The following CEP44 variants were observed in gnomAD, a reference collection of about 807,000 sequenced individuals.
CEP44 encodes the protein centrosomal protein 44, also known as centrosomal protein of 44 kDa.
Under a neutral mutation model 46.7 loss-of-function variants are expected in CEP44, and 45 were observed. That is an observed-to-expected ratio of 0.96 (90% CI 0.76 to 1.24). The LOEUF is 1.24. Ranked by LOEUF, CEP44 falls within the 50% of genes most tolerant of loss-of-function variation. CEP44 has a pLI of 0.00. For synonymous variants in CEP44, 142 were observed against 146.0 expected (o/e 0.97, Z 0.20); for missense variants, 475 against 459.7 (o/e 1.03, Z -0.30).
At chr4:174,322,205 A>G (rs532218456), downstream of CEP44, among the ~76,000 whole-genome samples, 18 of 152,268 alleles carry the variant, frequency 1.2e-4, no homozygotes, top group East Asian at 1.5e-3. Flanking sequence ...CAGTATTCCA[A>G]TTATCCTCTC....
chr4:174,309,950 G>T lies in CEP44; in HGVS notation c.779G>T (p.Cys260Phe), dbSNP rs747681903. 16 of 1,612,620 alleles carry T rather than the reference G, an allele frequency of 9.9e-6. No homozygotes were observed. The highest frequency in any genetic ancestry group is 1.4e-5 in the Non-Finnish European group (16 of 1,179,220). ...KLTSIEKRLD[C>F]LEQKMKGKVM... is the part of the protein sequence containing the mutation. ...ACTTCGATAGAGAAAAGGTTAGACT[G>T]TTTGGAACAAAAAATGAAAGGAAAA... The change falls in exon 8 of 12, where the codon TGT becomes TTT. Residue 260 changes from cysteine to phenylalanine, a missense_variant. Cys to Phe is a radical substitution (Grantham distance 205, BLOSUM62 -2). Coordinates refer to ENST00000503780, the MANE Select transcript of CEP44 (RefSeq NM_001040157.3). This position sits in a 1 kb window ranked among gnomAD's most constrained non-coding sequence, Gnocchi z 5.3.
downstream of CEP44, among the ~76,000 whole-genome samples, chr4:174,324,184 C>G (rs537780414): frequency 5.3e-5 from 8 of 152,140 alleles, no homozygotes; most frequent in East Asian, 1.5e-3. Flanking sequence ...TGGCTTCTTC[C>G]ATGTAGCATA....
At position 174,310,946 on chromosome 4, in the gene CEP44, G is replaced by C; in HGVS notation, c.961+88G>C. ...AATTTTAATATTCTTAAGCTTTATT[G>C]TTTAGAAATTGCAAAGCTCCTAGAA... On this transcript the variant is annotated intron_variant, in intron 9 of 11. Transcript: ENST00000503780. The surrounding 1 kb of genome is among the most constrained non-coding windows in gnomAD (Gnocchi z 4.2). 1.5e-6 allele frequency: 1 copy of C among 648,484 alleles called. No individual in the cohort carries two copies. The highest frequency in any genetic ancestry group is 2.6e-6 in the Non-Finnish European group (1 of 380,246). 40.2% of individuals were successfully genotyped at this position (648,484 alleles called of 1,614,324 possible).
chr4:174,293,356 C>G (rs964364623), intron 1 of CEP44, among the ~76,000 whole-genome samples: 3 of 152,130 alleles, frequency 2.0e-5, no homozygotes, highest in Non-Finnish European at 4.4e-5. Context: ...GATGTCACAG[C>G]CTTCTACTTG....
At chr4:174,291,365 A>C (rs570737537) in intron 1 of CEP44, among the ~76,000 whole-genome samples, 2 of 152,088 alleles carry the variant, frequency 1.3e-5, no homozygotes, top group South Asian at 4.2e-4. Flanking sequence ...AGGCTTTTTA[A>C]AGCTAGTAAC....
chr4:174,309,644 T>A lies in CEP44; in HGVS notation c.679-206T>A, dbSNP rs1191743834. Among the ~76,000 whole-genome samples, 1 of 151,912 alleles carries A rather than the reference T, an allele frequency of 6.6e-6. No individual in the cohort carries two copies. Among genetic ancestry groups the A allele is most frequent in the African/African-American group, 2.4e-5 (1 of 41,378 alleles). On this transcript the variant is annotated intron_variant, in intron 7 of 11. Coordinates refer to ENST00000503780, the MANE Select transcript of CEP44 (RefSeq NM_001040157.3). This position sits in a 1 kb window ranked among gnomAD's most constrained non-coding sequence, Gnocchi z 5.3. ...GATACTGCTCTTATCTCTTTTTTTT[T>A]AATGAGGAAATGGAGGCATCAAGAT...
rs1742627343 is a variant in CEP44, at chr4:174,325,816, T to A, written c.1087-5666T>A. 6.6e-6 allele frequency among the ~76,000 whole-genome samples: 1 copy of A among 152,200 alleles called. No homozygotes were observed. On this transcript the variant is annotated intron_variant, in intron 8 of 8. Transcript: ENST00000426172. This position sits in a 1 kb window ranked among gnomAD's most constrained non-coding sequence, Gnocchi z 4.4. ...ATTTCTTCATGATAAAGAGACTTATTTCTTATTATGAGTTGGCCCTCTTTA... is the reference window on the plus strand; with the variant it reads ...ATTTCTTCATGATAAAGAGACTTATATCTTATTATGAGTTGGCCCTCTTTA...
Position 174,288,617 on chromosome 4 carries a change from A to G in CEP44, c.-148+4674A>G, listed in dbSNP as rs1440021410. On this transcript the variant is annotated intron_variant, in intron 1 of 11. Coordinates refer to ENST00000503780, the MANE Select transcript of CEP44 (RefSeq NM_001040157.3). The surrounding 1 kb of genome is among the most constrained non-coding windows in gnomAD (Gnocchi z 4.6). ...AAATGGCAGGATTTCCTTCTTTTTT[A>G]AAGGCAAATTTGTTTATTCTCACAT... is the stretch of plus-strand genomic sequence containing the variant. 3.3e-5 allele frequency among the ~76,000 whole-genome samples: 5 copies of G among 152,112 alleles called. No homozygotes were observed. The highest frequency in any genetic ancestry group is 5.9e-5 in the Non-Finnish European group (4 of 67,982).
chr4:174,303,822 G>A lies in CEP44; in HGVS notation c.357G>A (p.Lys119=). 2 of 1,569,454 alleles carry A rather than the reference G, an allele frequency of 1.3e-6. No homozygotes were observed. Among genetic ancestry groups the A allele is most frequent in the Non-Finnish European group, 8.7e-7 (1 of 1,146,806 alleles). Residue 119 remains lysine, a synonymous_variant, in exon 5 of 12, where the codon AAG becomes AAA. Coordinates refer to ENST00000503780, the MANE Select transcript of CEP44 (RefSeq NM_001040157.3). The part of the protein sequence containing the change: ...VCDILNCVMK[K]HKELSSLQKI... The stretch of plus-strand genomic sequence containing the variant: ...ATATTTTGAATTGTGTGATGAAAAA[G>A]CACAAGGAATTAAGCAGTCTTCAGA...
In CEP44 at chr4:174,310,144, T is replaced by C; in HGVS notation, c.885+88T>C. ...TATATGTGTATTTTTTTGGAAATGC[T>C]AAATATGAGAATATTTGAATAATGA... On this transcript the variant is annotated intron_variant, in intron 8 of 11. Transcript: ENST00000503780. The surrounding 1 kb of genome is among the most constrained non-coding windows in gnomAD (Gnocchi z 4.2). The C allele has an allele frequency of 1.7e-6, 2 of 1,145,508 alleles. No individual in the cohort carries two copies. The highest frequency in any genetic ancestry group is 2.5e-6 in the Non-Finnish European group (2 of 816,306). 71.0% of individuals were successfully genotyped at this position (1,145,508 alleles called of 1,614,324 possible). A position where few individuals can be genotyped will look rare whatever the true frequency, so the allele number is the denominator to read the frequency against.
downstream of CEP44, among the ~76,000 whole-genome samples, chr4:174,320,559 A>G (rs1579167923): frequency 4.9e-5 from 1 of 20,550 alleles, no homozygotes; most frequent in East Asian, 2.0e-3. Flanking sequence ...GTTTATCTTA[A>G]GTCCTAAAGA....
Position 174,310,655 on chromosome 4 carries a change from T to C in CEP44, c.886-128T>C. 1.8e-6 allele frequency: 1 copy of C among 559,124 alleles called. No homozygotes were observed. The highest frequency in any genetic ancestry group is 2.4e-5 in the South Asian group (1 of 41,150). The allele number at this position is 559,124 out of a possible 1,614,324, so 34.6% of individuals were successfully genotyped here. On this transcript the variant is annotated intron_variant, in intron 8 of 11. Transcript: ENST00000503780. This position sits in a 1 kb window ranked among gnomAD's most constrained non-coding sequence, Gnocchi z 4.2. ...GGAATATGCAGTATATGTATTGCTT[T>C]AATAAAAAATTAAAAATATTTAAAC...
chr4:174,305,442 A>T (rs1579115758), intron 6 of CEP44, among the ~76,000 whole-genome samples: 1 of 152,330 alleles, frequency 6.6e-6, no homozygotes, highest in African/African-American at 2.4e-5. Flanking sequence ...TGACAGAGCG[A>T]GACTCCATCT....
chr4:174,322,686 T>C (rs528384439), downstream of CEP44, among the ~76,000 whole-genome samples: 107 of 152,050 alleles, frequency 7.0e-4, 1 homozygote, highest in African/African-American at 2.6e-3. Flanking sequence ...TTTTATTTTG[T>C]GGCTTGACAA....
chr4:174,294,731 C>T (rs560803123), intron 1 of CEP44, among the ~76,000 whole-genome samples: 94 of 143,334 alleles, frequency 6.6e-4, no homozygotes, highest in African/African-American at 2.3e-3. Context: ...GCTGACCACC[C>T]CCCACCTCCC....
At chr4:174,302,348 C>T (rs1351834041) in intron 4 of CEP44, among the ~76,000 whole-genome samples, 162 bp downstream of exon 4, 1 of 152,052 alleles carries the variant, frequency 6.6e-6, no homozygotes, top group African/African-American at 2.4e-5. Flanking sequence ...AATCAAGATG[C>T]AATTCATGTT....
At chr4:174,302,322 A>G (rs377038995) in intron 4 of CEP44, 136 bp downstream of exon 4, 8 of 593,788 alleles carry the variant, frequency 1.3e-5, no homozygotes, top group South Asian at 5.2e-5. Flanking sequence ...TCTCATTTAA[A>G]TGTAGTCTCT....
At chr4:174,284,098 G>T in intron 1 of CEP44, 155 bp downstream of exon 1, 1 of 399,168 alleles carries the variant, frequency 2.5e-6, no homozygotes, top group Admixed American at 4.4e-5. Context: ...TCTCCCTGTC[G>T]TGCTGGGCCT....
chr4:174,322,499 G>A (rs1176443563), downstream of CEP44, among the ~76,000 whole-genome samples: 2 of 152,078 alleles, frequency 1.3e-5, no homozygotes, highest in African/African-American at 4.8e-5. Flanking sequence ...GCTATGAAAA[G>A]CACCCTGTAA....
Sources: allele counts gnomAD v4.1 joint callset (sites outside exome capture counted in the v4.1 genomes callset), GRCh38; gene constraint gnomAD v4.1.1; non-coding constraint Gnocchi (gnomAD v3.1); transcripts MANE v1.5; gene names NCBI Gene and HGNC (gene_info 2026-07-23, HGNC 2026-07-21).